The following TRPM3 variants were observed in gnomAD, a reference collection of about 807,000 sequenced individuals.
The protein encoded by TRPM3 is transient receptor potential cation channel subfamily M member 3.
Under a neutral mutation model 181.2 loss-of-function variants are expected in TRPM3, and 77 were observed. The ratio of observed to expected loss-of-function variants is 0.42; its 90% confidence interval spans 0.35 to 0.51. The LOEUF (loss-of-function observed/expected upper bound fraction) is 0.51, where lower values mean the gene tolerates loss of function less well. Ranked by LOEUF, TRPM3 falls within the 20% of genes least tolerant of loss-of-function variation. TRPM3 has a pLI of 0.01. For missense variants in TRPM3, 1,759 were observed against 2,196.7 expected, an observed-to-expected ratio of 0.80 and a Z score of 3.98; for synonymous variants, 745 against 796.4, an observed-to-expected ratio of 0.94 and a Z score of 1.09.
At chr9:71,231,125 A>T (rs2081023509) in intron 1 of TRPM3, among the ~76,000 whole-genome samples, 1 of 152,230 alleles carries the variant, frequency 6.6e-6, no homozygotes. Flanking sequence ...CCCCTCAAAG[A>T]TAGTCATATC....
intron 1 of TRPM3, among the ~76,000 whole-genome samples, chr9:71,328,079 A>C (rs2089829981): frequency 6.6e-6 from 1 of 151,570 alleles, no homozygotes; most frequent in Non-Finnish European, 1.5e-5. Flanking sequence ...AAAAAAAAAA[A>C]ACAAAAAAAA....
At chr9:71,434,974 T>C (rs1037493461) in intron 1 of TRPM3, among the ~76,000 whole-genome samples, 26 of 152,150 alleles carry the variant, frequency 1.7e-4, no homozygotes, top group African/African-American at 5.5e-4. Flanking sequence ...TTCTCATTCA[T>C]TGAGAAGAAA....
chr9:70,566,514 A>T (rs189593060), intron 22 of TRPM3, among the ~76,000 whole-genome samples: 80 of 152,310 alleles, frequency 5.3e-4, no homozygotes, highest in Non-Finnish European at 8.7e-4. Flanking sequence ...AAGGAGATAA[A>T]CTTATAACAG....
intron 11 of TRPM3, among the ~76,000 whole-genome samples, chr9:70,638,593 CA>C (rs74839327): frequency 0.15 from 22,928 of 152,028 alleles, 2,284 homozygotes; most frequent in East Asian, 0.39. Context: ...TTGAGTGACT[CA>C]AAAAAGAGAT....
rs533531518 is a variant in TRPM3 at position 70,889,078 on chromosome 9, G to T, written c.178-24567C>A. ...GTTCAAAGCTCGGGAACTGGAAGGGGTGGCACAGCCAGCAAGAAACAACCT... is the reference window on the plus strand; with the variant it reads ...GTTCAAAGCTCGGGAACTGGAAGGGTTGGCACAGCCAGCAAGAAACAACCT... On this transcript the variant is annotated intron_variant, in intron 1 of 25. Transcript: ENST00000677713. Among the ~76,000 whole-genome samples the T allele has an allele frequency of 9.2e-5, 14 of 152,278 alleles. 1 individual carries two copies. In the East Asian group the frequency reaches 2.7e-3, roughly 29 times the overall value.
chr9:71,420,218 G>A (rs767075166), intron 1 of TRPM3, among the ~76,000 whole-genome samples: 1 of 151,918 alleles, frequency 6.6e-6, no homozygotes, highest in Non-Finnish European at 1.5e-5. Context: ...TTATGAGGGA[G>A]ACAGGAAAAG....
chr9:70,546,611 A>G (rs1386639259), intron 25 of TRPM3, among the ~76,000 whole-genome samples: 2 of 151,978 alleles, frequency 1.3e-5, no homozygotes, highest in African/African-American at 4.8e-5. Flanking sequence ...TAGTGAGCAC[A>G]ACATTTGATA....
chr9:71,199,589 G>C (rs2078639337), intron 1 of TRPM3, among the ~76,000 whole-genome samples: 1 of 152,062 alleles, frequency 6.6e-6, no homozygotes, highest in Admixed American at 6.6e-5. Context: ...ACTTCTTCCT[G>C]GTTTAGTCTT....
intron 1 of TRPM3, among the ~76,000 whole-genome samples, chr9:71,016,246 G>C (rs2097784001): frequency 1.3e-5 from 2 of 151,392 alleles, no homozygotes; most frequent in Non-Finnish European, 2.9e-5. Flanking sequence ...GTGTGTGTGT[G>C]TGTGTGTGTG....
chr9:71,200,650 T>C (rs2078720937), intron 1 of TRPM3, among the ~76,000 whole-genome samples: 1 of 152,222 alleles, frequency 6.6e-6, no homozygotes, highest in Non-Finnish European at 1.5e-5. Context: ...TCTCTTTTGA[T>C]CTTTGTTGGT....
At chr9:71,217,707 C>A (rs994559334) in intron 1 of TRPM3, among the ~76,000 whole-genome samples, 1 of 152,158 alleles carries the variant, frequency 6.6e-6, no homozygotes, top group African/African-American at 2.4e-5. Context: ...CTGAGACAGA[C>A]CATTCTGCTC....
chr9:71,115,569 T>A (rs566703007), intron 1 of TRPM3, among the ~76,000 whole-genome samples: 1 of 152,208 alleles, frequency 6.6e-6, no homozygotes, highest in South Asian at 2.1e-4. Context: ...GGGGAGGGTG[T>A]GGAACCGCTG....
At chr9:70,829,542 T>C (rs553140134) in intron 5 of TRPM3, among the ~76,000 whole-genome samples, 4 of 152,338 alleles carry the variant, frequency 2.6e-5, no homozygotes, top group Admixed American at 2.6e-4. Flanking sequence ...TATTAATATA[T>C]AGGACTTTTT....
chr9:71,428,402 T>C lies in TRPM3; in HGVS notation c.183+18251A>G, dbSNP rs915376755. On this transcript the variant is annotated intron_variant, in intron 1 of 24. Coordinates refer to the TRPM3 transcript ENST00000357533. ...TGAGCCACCACGCCAGTCAGCCTGT[T>C]TTTTTTAAACAGCTTTCCAGGTGAT... is the stretch of plus-strand genomic sequence containing the variant. Among the ~76,000 whole-genome samples the C allele has an allele frequency of 6.6e-5, 10 of 152,090 alleles. No individual in the cohort carries two copies. The South Asian group carries it at 1.0e-3, about 16-fold the overall frequency.
chr9:71,189,418 A>G (rs77358328), intron 1 of TRPM3, among the ~76,000 whole-genome samples: 4,460 of 151,956 alleles, frequency 0.029, 197 homozygotes, highest in African/African-American at 0.1. Context: ...CTGGGTACTA[A>G]CACACGTGCA....
chr9:71,377,773 G>A (rs1322668110), intron 1 of TRPM3, among the ~76,000 whole-genome samples: 2 of 151,836 alleles, frequency 1.3e-5, no homozygotes. Flanking sequence ...GAAAAAAATA[G>A]GACATTAGCT....
upstream of TRPM3, chr9:71,121,747 A>C: frequency 2.1e-6 from 1 of 465,700 alleles, no homozygotes; most frequent in Non-Finnish European, 2.9e-6. Flanking sequence ...AACAAAAATG[A>C]AGCCAGAACG....
At chr9:71,301,775 AT>A (rs976198193) in intron 1 of TRPM3, among the ~76,000 whole-genome samples, 1 of 152,070 alleles carries the variant, frequency 6.6e-6, no homozygotes, top group African/African-American at 2.4e-5. Context: ...GTGCTTTATT[AT>A]TATTATTATA....
At chr9:71,282,270 G>GAGAAAGAAAGAAA (rs1326902796) in intron 1 of TRPM3, among the ~76,000 whole-genome samples, 1 of 49,828 alleles carries the variant, frequency 2.0e-5, no homozygotes, top group Admixed American at 1.9e-4. Context: ...GAAAGAAAGA[G>GAGAAAGAAAGAAA]AGAAAGAAAG....
Sources: allele counts gnomAD v4.1 joint callset (sites outside exome capture counted in the v4.1 genomes callset), GRCh38; gene constraint gnomAD v4.1.1; transcripts MANE v1.5; gene names NCBI Gene and HGNC (gene_info 2026-07-23, HGNC 2026-07-21).